The following COL11A1 variants were observed in gnomAD, a reference collection of about 807,000 sequenced individuals.
COL11A1 encodes the protein collagen type XI alpha 1 chain.
COL11A1 carries 74 observed loss-of-function variants against 265.2 expected under a neutral mutation model. The observed-to-expected ratio is 0.28, with a 90% confidence interval of 0.23 to 0.34. The LOEUF is 0.34. COL11A1 is among the 10% of genes least tolerant of loss of function. COL11A1 has a pLI of 1.00. For missense variants in COL11A1, 2,165 were observed against 2,263.6 expected (o/e 0.96, Z 0.88); for synonymous variants, 816 against 727.6 (o/e 1.12, Z -1.96).
chr1:103,009,282 C>T (rs574850199), intron 14 of COL11A1, among the ~76,000 whole-genome samples: 8 of 152,140 alleles, frequency 5.3e-5, no homozygotes, highest in East Asian at 1.9e-4. Context: ...GGCATGGCAT[C>T]GGGTGCCTGT....
In COL11A1 at chr1:102,911,671, A is replaced by G. The variant is rs74108051; in HGVS notation, c.4086+488T>C. ...TACCTATTTATTTATATTTTGCTAT[A>G]GCACATCATTAAAATACTGTTTCCG... On this transcript the variant is annotated intron_variant, in intron 54 of 66. Transcript: ENST00000370096. Among the ~76,000 whole-genome samples, 1,522 of 152,342 alleles carry G rather than the reference A, an allele frequency of 1.0e-2. 29 individuals are homozygous for G. The highest frequency in any genetic ancestry group is 0.035 in the African/African-American group (1,461 of 41,578).
chr1:103,030,548 T>C (rs1341278239), intron 5 of COL11A1, among the ~76,000 whole-genome samples: 1 of 148,446 alleles, frequency 6.7e-6, no homozygotes, highest in African/African-American at 2.5e-5. Context: ...TCTTAAAAAT[T>C]CAAAATCCAA....
chr1:102,927,842 A>G (rs1656804343), intron 46 of COL11A1, among the ~76,000 whole-genome samples: 1 of 152,142 alleles, frequency 6.6e-6, no homozygotes, highest in South Asian at 2.1e-4. Flanking sequence ...GATCGACTTA[A>G]TTTATTTTAC....
chr1:103,061,824 A>T (rs1670699824), intron 4 of COL11A1, among the ~76,000 whole-genome samples: 2 of 152,032 alleles, frequency 1.3e-5, no homozygotes, highest in South Asian at 4.1e-4. Context: ...AATAAACAGA[A>T]CAAAAGAAAA....
intron 44 of COL11A1, among the ~76,000 whole-genome samples, chr1:102,935,364 T>A (rs2101225156): frequency 6.6e-6 from 1 of 152,366 alleles, no homozygotes; most frequent in Non-Finnish European, 1.5e-5. Flanking sequence ...ATGTTGTGAA[T>A]CTTCAAGATA....
chr1:103,072,746 T>C (rs1377002733), intron 4 of COL11A1, among the ~76,000 whole-genome samples: 1 of 151,730 alleles, frequency 6.6e-6, no homozygotes, highest in Non-Finnish European at 1.5e-5. Context: ...GACCAAATTG[T>C]TTTTGAAATT....
intron 1 of COL11A1, among the ~76,000 whole-genome samples, chr1:103,102,373 T>G (rs935941574): frequency 1.3e-5 from 2 of 152,056 alleles, no homozygotes; most frequent in Non-Finnish European, 2.9e-5. Flanking sequence ...TGAAAGAACT[T>G]AGGGAACATT....
At position 102,984,159 on chromosome 1, in the gene COL11A1, A is replaced by G; in HGVS notation, c.2535T>C (p.Tyr845=). The G allele has an allele frequency of 6.2e-7, 1 of 1,602,164 alleles. No homozygotes were observed. The highest frequency in any genetic ancestry group is 1.3e-5 in the African/African-American group (1 of 74,814). ...GKLGVPGLPG[Y]PGRQGPKGST... is the part of the protein sequence containing the mutation. ...TTACCTTTGGACCTTGTCTTCCTGGATATCCTGGTAATCCTGGAACTCCAA... is the reference window on the plus strand; with the variant it reads ...TTACCTTTGGACCTTGTCTTCCTGGGTATCCTGGTAATCCTGGAACTCCAA... The change falls in exon 31 of 67, where the codon TAT becomes TAC. Residue 845 remains tyrosine, a synonymous_variant. Coordinates refer to ENST00000370096, the MANE Select transcript of COL11A1 (RefSeq NM_001854.4).
chr1:102,912,334 G>A (rs1221503683), intron 53 of COL11A1, 122 bp from the exon 54 acceptor site: 3 of 737,886 alleles, frequency 4.1e-6, no homozygotes, highest in South Asian at 3.8e-5. Context: ...ATATTTCCTG[G>A]AAAATCTCAG....
intron 3 of COL11A1, among the ~76,000 whole-genome samples, chr1:103,077,470 A>G (rs1312778475): frequency 6.6e-6 from 1 of 152,094 alleles, no homozygotes. Flanking sequence ...AAGAAACACA[A>G]CGTGCTATTA....
At position 102,951,424 on chromosome 1, in the gene COL11A1, G is replaced by A. The variant is rs556947054; in HGVS notation, c.3169-4468C>T. 2.0e-5 allele frequency among the ~76,000 whole-genome samples: 3 copies of A among 152,318 alleles called. No homozygotes were observed. In the East Asian group the frequency reaches 5.8e-4, roughly 29 times the overall value. On this transcript the variant is annotated intron_variant, in intron 41 of 66. Coordinates refer to ENST00000370096, the MANE Select transcript of COL11A1 (RefSeq NM_001854.4). Reference sequence around the variant, plus strand: ...TAAAAATTTAGGCGTCACGCCGGGAGTGGTGGCTCACACCTGTAATCCCAG... The same window carrying A: ...TAAAAATTTAGGCGTCACGCCGGGAATGGTGGCTCACACCTGTAATCCCAG...
At chr1:103,011,412 G>A (rs1279759647) in intron 14 of COL11A1, among the ~76,000 whole-genome samples, 1 of 151,918 alleles carries the variant, frequency 6.6e-6, no homozygotes, top group Non-Finnish European at 1.5e-5. Context: ...CAGAATATGT[G>A]TTCCCCGTGA....
At chr1:102,946,988 TAAAG>T (rs757950230) in intron 41 of COL11A1, 32 bp from the exon 42 acceptor site, 1 of 1,522,842 alleles carries the variant, frequency 6.6e-7, no homozygotes, top group Non-Finnish European at 9.0e-7. Context: ...ATTTTGTTAT[TAAAG>T]AAAGTAATAC....
intron 30 of COL11A1, among the ~76,000 whole-genome samples, chr1:102,987,072 C>A (rs1663638667): frequency 6.6e-6 from 1 of 151,960 alleles, no homozygotes; most frequent in African/African-American, 2.4e-5. Flanking sequence ...TCCTTTAATT[C>A]TCAACATCTA....
chr1:103,051,627 G>T (rs1484655203), intron 4 of COL11A1, among the ~76,000 whole-genome samples: 1 of 152,118 alleles, frequency 6.6e-6, no homozygotes, highest in Non-Finnish European at 1.5e-5. Flanking sequence ...CCACTGTCTG[G>T]CACACCCCAG....
Position 103,108,126 on chromosome 1 carries a change from G to T in COL11A1, c.53C>A (p.Thr18Asn). The T allele has an allele frequency of 4.3e-6, 7 of 1,613,732 alleles. No homozygotes were observed. Among genetic ancestry groups the T allele is most frequent in the Non-Finnish European group, 5.9e-6 (7 of 1,179,958 alleles). Residue 18 changes from threonine (T) to asparagine (N), a missense_variant, in exon 1 of 67, where the codon ACC (threonine) becomes AAC (asparagine). Transcript: ENST00000370096. ...GAAGGTCAATGCGAGGGTTGTTACG[G>T]TGAAATCCCAGAGCCACCGTTTCGT... ...WKTKRWLWDFTVTTLALTFLF... is the reference protein window; with the variant it reads ...WKTKRWLWDFNVTTLALTFLF...
chr1:103,009,770 A>G (rs1415276315), intron 14 of COL11A1, among the ~76,000 whole-genome samples: 1 of 152,188 alleles, frequency 6.6e-6, no homozygotes, highest in Admixed American at 6.5e-5. Flanking sequence ...TAAAAGAAAT[A>G]TTAACGATGC....
intron 2 of COL11A1, among the ~76,000 whole-genome samples, chr1:103,080,080 A>T (rs1222382847): frequency 6.6e-6 from 1 of 151,934 alleles, no homozygotes; most frequent in Non-Finnish European, 1.5e-5. Flanking sequence ...AATAAAATAC[A>T]AATATGTATG....
chr1:103,047,784 C>A (rs71664974), intron 4 of COL11A1, among the ~76,000 whole-genome samples: 11,180 of 152,058 alleles, frequency 0.074, 594 homozygotes, highest in African/African-American at 0.15. Context: ...CCCATCAATA[C>A]CTAATTTATT....
Sources: allele counts gnomAD v4.1 joint callset (sites outside exome capture counted in the v4.1 genomes callset), GRCh38; gene constraint gnomAD v4.1.1; transcripts MANE v1.5; gene names NCBI Gene and HGNC (gene_info 2026-07-23, HGNC 2026-07-21).